EPC2: variants seen among roughly 807,000 people sequenced by gnomAD.
EPC2 encodes the protein enhancer of polycomb homolog 2.
A neutral mutation model predicts 92.1 loss-of-function variants in EPC2; 14 were observed. That is an observed-to-expected ratio of 0.15 (90% CI 0.10 to 0.24). EPC2 has a LOEUF of 0.24. Ranked by LOEUF, EPC2 falls within the 10% of genes least tolerant of loss-of-function variation. The pLI, the probability that EPC2 is intolerant of heterozygous loss-of-function variation, is 1.00. For missense variants in EPC2, 755 were observed against 971.5 expected, an observed-to-expected ratio of 0.78 and a Z score of 2.96; for synonymous variants, 340 against 334.7, an observed-to-expected ratio of 1.02 and a Z score of -0.17.
chr2:148,786,222 A>G (rs1683863622), intron 13 of EPC2, 83 bp from the exon 14 acceptor site: 1 of 1,140,948 alleles, frequency 8.8e-7, no homozygotes, highest in Non-Finnish European at 1.3e-6. Flanking sequence ...ATTATGTAAC[A>G]ATGTTTTTGT....
chr2:148,721,120 A>G lies in EPC2; in HGVS notation c.314-22502A>G, dbSNP rs918314688. ...AGTTTTTATTTTACCCTTTCTCCCC[A>G]GTACTCTTCCTATGTTTATGTAGAT... On this transcript the variant is annotated intron_variant, in intron 2 of 13. Transcript: ENST00000258484. Among the ~76,000 whole-genome samples the G allele has an allele frequency of 2.6e-4, 39 of 152,116 alleles. 1 individual carries two copies. The highest frequency in any genetic ancestry group is 2.4e-3 in the Admixed American group (36 of 15,272).
Position 148,664,304 on chromosome 2 carries a change from G to T in EPC2, c.153+19134G>T, listed in dbSNP as rs138868809. 2.3e-3 allele frequency among the ~76,000 whole-genome samples: 344 copies of T among 152,244 alleles called. 3 individuals carry two copies. Among genetic ancestry groups the T allele is most frequent in the African/African-American group, 7.8e-3 (326 of 41,540 alleles). On this transcript the variant is annotated intron_variant, in intron 1 of 13. Coordinates refer to ENST00000258484, the MANE Select transcript of EPC2 (RefSeq NM_015630.4). ...GCTCGAGTCCAGGAGTTTGAGACCA[G>T]CCTGGGCAACATGGCTAAACCCTGT...
At position 148,676,777 on chromosome 2, in the gene EPC2, GCTCTCTCTCT is replaced by G. The variant is rs10559609; in HGVS notation, c.154-13422_154-13413del. On this transcript the variant is annotated intron_variant, in intron 1 of 13. Coordinates refer to ENST00000258484, the MANE Select transcript of EPC2 (RefSeq NM_015630.4). ...ATTCCCTGTTTATTGACATTTAGGT[GCTCTCTCTCT>G]CTCTCTCTCTCTCTGTCTCTCTTTT... Among the ~76,000 whole-genome samples, 337 of 144,858 alleles carry G rather than the reference GCTCTCTCTCT, an allele frequency of 2.3e-3. 3 individuals carry two copies. Among genetic ancestry groups the G allele is most frequent in the African/African-American group, 7.9e-3 (307 of 38,712 alleles).
chr2:148,679,041 C>G (rs1396274487), intron 1 of EPC2, among the ~76,000 whole-genome samples: 1 of 152,136 alleles, frequency 6.6e-6, no homozygotes, highest in African/African-American at 2.4e-5. Flanking sequence ...AGAGTGCGAC[C>G]CTGTCACTAA....
rs1324251365 is a variant in EPC2, at chr2:148,771,147, T to C, written c.1480T>C (p.Ser494Pro). 2 of 1,613,878 alleles carry C rather than the reference T, an allele frequency of 1.2e-6. No homozygotes were observed. The highest frequency in any genetic ancestry group is 1.7e-6 in the Non-Finnish European group (2 of 1,179,878). Residue 494 changes from serine to proline, a missense_variant, in exon 10 of 14, where the codon TCT (serine) becomes CCT (proline). Physicochemically the swap from Ser to Pro is moderately conservative, Grantham distance 74. Around this residue, in one of 4 missense-constraint regions of EPC2, gnomAD observed 509 missense variants for 607.7 expected, o/e 0.84. Coordinates refer to ENST00000258484, the MANE Select transcript of EPC2 (RefSeq NM_015630.4). ...FSSSSQTIDF[S>P]SNFSRTNASS... is the part of the protein sequence containing the mutation. Reference sequence around the variant, plus strand: ...AAGCTCTTCCCAAACTATAGACTTTTCTTCTAATTTCTCTCGGACCAATGC... The same window carrying C: ...AAGCTCTTCCCAAACTATAGACTTTCCTTCTAATTTCTCTCGGACCAATGC...
At chr2:148,732,247 G>A (rs1225668331) in intron 2 of EPC2, among the ~76,000 whole-genome samples, 1 of 152,152 alleles carries the variant, frequency 6.6e-6, no homozygotes, top group African/African-American at 2.4e-5. Flanking sequence ...TTCCCAGAGA[G>A]GTGCACCCGC....
chr2:148,675,512 C>T (rs188034547), intron 1 of EPC2, among the ~76,000 whole-genome samples: 1 of 152,130 alleles, frequency 6.6e-6, no homozygotes, highest in African/African-American at 2.4e-5. Flanking sequence ...TTGAGGTATT[C>T]ACAACATTCT....
At chr2:148,739,830 C>CTTTTTTTTTTTTTTTT (rs879739457) in intron 2 of EPC2, among the ~76,000 whole-genome samples, 42 of 96,684 alleles carry the variant, frequency 4.3e-4, no homozygotes, top group East Asian at 1.6e-3. Flanking sequence ...TTTTCTTCTT[C>CTTTTTTTTTTTTTTTT]TTCTTTTTTT....
intron 2 of EPC2, among the ~76,000 whole-genome samples, chr2:148,696,452 A>G (rs1681746076): frequency 6.6e-6 from 1 of 152,242 alleles, no homozygotes; most frequent in Non-Finnish European, 1.5e-5. Context: ...ATTTGCAGTG[A>G]CTTAGAGTAA....
chr2:148,708,124 A>G (rs1417023175), intron 2 of EPC2, among the ~76,000 whole-genome samples: 1 of 152,222 alleles, frequency 6.6e-6, no homozygotes, highest in African/African-American at 2.4e-5. Context: ...AGAAGAGAGA[A>G]GAATCAAATA....
In EPC2 at chr2:148,645,176, G is replaced by C. The variant is rs2105346161; in HGVS notation, c.153+6G>C. ...TGGAGAAGGAGGAGGAATCGGTAGG[G>C]ACTCGAGTGTTTATTACCCCCCCTT... is the stretch of plus-strand genomic sequence containing the variant. On this transcript the variant is annotated splice_donor_region_variant and intron_variant, in intron 1 of 13. Transcript: ENST00000258484. The C allele has an allele frequency of 6.2e-7, 1 of 1,603,594 alleles. No individual in the cohort carries two copies. The highest frequency in any genetic ancestry group is 1.1e-5 in the South Asian group (1 of 89,144).
chr2:148,694,962 A>G (rs1461200315), intron 2 of EPC2, among the ~76,000 whole-genome samples: 1 of 152,180 alleles, frequency 6.6e-6, no homozygotes, highest in Non-Finnish European at 1.5e-5. Context: ...TAGTAGAGAT[A>G]GGGTTTCACC....
intron 12 of EPC2, among the ~76,000 whole-genome samples, 160 bp from the exon 13 acceptor site, chr2:148,784,508 C>T (rs574229233): frequency 2.8e-4 from 43 of 152,308 alleles, no homozygotes; most frequent in Non-Finnish European, 4.7e-4. Flanking sequence ...TTAGTACATT[C>T]TACTTAGTGA....
At chr2:148,702,917 G>A (rs1190866751) in intron 2 of EPC2, among the ~76,000 whole-genome samples, 1 of 151,940 alleles carries the variant, frequency 6.6e-6, no homozygotes, top group Non-Finnish European at 1.5e-5. Flanking sequence ...TTCCAGTGTG[G>A]CACAGGGAAG....
At position 148,648,071 on chromosome 2, in the gene EPC2, A is replaced by G. The variant is rs75251771; in HGVS notation, c.153+2901A>G. 9.9e-3 allele frequency among the ~76,000 whole-genome samples: 1,509 copies of G among 152,366 alleles called. 28 individuals are homozygous for G. Among genetic ancestry groups the G allele is most frequent in the East Asian group, 0.08 (417 of 5,186 alleles). Reference sequence around the variant, plus strand: ...AAGAAATCCAAATTCTGATAAAACTAGAGTTGAAACCCAGAACCTCTGATT... The same window carrying G: ...AAGAAATCCAAATTCTGATAAAACTGGAGTTGAAACCCAGAACCTCTGATT... On this transcript the variant is annotated intron_variant, in intron 1 of 13. Transcript: ENST00000258484.
chr2:148,668,527 C>G (rs894165437), intron 1 of EPC2, among the ~76,000 whole-genome samples: 1 of 152,198 alleles, frequency 6.6e-6, no homozygotes, highest in Middle Eastern at 3.4e-3. Flanking sequence ...TTGTTTTTCT[C>G]CTTAAATATT....
At position 148,765,096 on chromosome 2, in the gene EPC2, G is replaced by T; in HGVS notation, c.1090G>T (p.Asp364Tyr). The change falls in exon 7 of 14, where the codon GAC (aspartate) becomes TAC (tyrosine). Residue 364 changes from aspartate (D) to tyrosine (Y), a missense_variant. Around this residue, in one of 4 missense-constraint regions of EPC2, gnomAD observed 509 missense variants for 607.7 expected, o/e 0.84. Transcript: ENST00000258484. ...PETLPVINKS[D>Y]IKQYDFHSSD... ...GACATTGCCTGTGATCAATAAGAGT[G>T]ACATTAAGCAATATGATTTTCACAG... The T allele has an allele frequency of 6.3e-7, 1 of 1,596,194 alleles. No individual in the cohort carries two copies. The highest frequency in any genetic ancestry group is 1.1e-5 in the South Asian group (1 of 87,350).
chr2:148,721,180 A>G (rs1682365278), intron 2 of EPC2, among the ~76,000 whole-genome samples: 1 of 152,130 alleles, frequency 6.6e-6, no homozygotes, highest in Admixed American at 6.5e-5. Flanking sequence ...TCCTCCTCTC[A>G]AAAGTACTAC....
chr2:148,670,404 G>T (rs549643684), intron 1 of EPC2, among the ~76,000 whole-genome samples: 1 of 151,474 alleles, frequency 6.6e-6, no homozygotes, highest in South Asian at 2.1e-4. Flanking sequence ...GTATTTGAAA[G>T]TATTCAAGTA....
Sources: gnomAD v4.1 joint callset for allele counts (sites outside exome capture counted in the v4.1 genomes callset) on GRCh38, gnomAD v4.1.1 for gene constraint, gnomAD v4.1.1 regional missense constraint, MANE v1.5 for transcripts, NCBI Gene and HGNC (gene_info 2026-07-23, HGNC 2026-07-21) for gene names.